The following SYNJ1 variants were observed in gnomAD, a reference collection of about 807,000 sequenced individuals.
The protein encoded by SYNJ1 is polyphosphatidylinositol phosphatase SYNJ1.
SYNJ1 carries 78 observed loss-of-function variants against 168.2 expected under a neutral mutation model. The observed-to-expected ratio is 0.46, with a 90% CI of 0.39 to 0.56. The LOEUF is 0.56. SYNJ1 is among the 20% of genes least tolerant of loss of function. The pLI is 0.00. For synonymous variants in SYNJ1, 539 were observed against 548.6 expected, an observed-to-expected ratio of 0.98 and a Z score of 0.24; for missense variants, 1,303 against 1,597.6, an observed-to-expected ratio of 0.82 and a Z score of 3.14.
chr21:32,667,251 C>T (rs2040975007), intron 15 of SYNJ1, among the ~76,000 whole-genome samples: 1 of 152,020 alleles, frequency 6.6e-6, no homozygotes, highest in African/African-American at 2.4e-5. Flanking sequence ...TATGTGCTTC[C>T]AAATACATTT....
intron 4 of SYNJ1, among the ~76,000 whole-genome samples, chr21:32,698,604 T>C (rs551765561): frequency 2.6e-5 from 4 of 152,328 alleles, no homozygotes; most frequent in South Asian, 2.1e-4. Context: ...AGAACCACTA[T>C]ACTAGAAATC....
intron 14 of SYNJ1, among the ~76,000 whole-genome samples, chr21:32,671,652 G>A (rs1413624079): frequency 6.6e-6 from 1 of 152,154 alleles, no homozygotes; most frequent in East Asian, 1.9e-4. Context: ...TGAAATAATA[G>A]GTCAGCTCTG....
chr21:32,699,418 G>T (rs149725152), intron 4 of SYNJ1, among the ~76,000 whole-genome samples: 1 of 152,244 alleles, frequency 6.6e-6, no homozygotes, highest in East Asian at 1.9e-4. Flanking sequence ...CCCCAGGAAG[G>T]TATAGCCATC....
intron 6 of SYNJ1, among the ~76,000 whole-genome samples, chr21:32,691,912 GA>G (rs925964704): frequency 6.6e-6 from 1 of 152,194 alleles, no homozygotes; most frequent in African/African-American, 2.4e-5. Flanking sequence ...ATTCCTGCTA[GA>G]AAACTGCAAG....
At chr21:32,710,298 T>C (rs542051579) in intron 2 of SYNJ1, among the ~76,000 whole-genome samples, 1 of 152,290 alleles carries the variant, frequency 6.6e-6, no homozygotes, top group Non-Finnish European at 1.5e-5. Context: ...GTTGATATTA[T>C]GGAGGCTAGG....
intron 4 of SYNJ1, among the ~76,000 whole-genome samples, chr21:32,697,292 T>C (rs1311145922): frequency 1.3e-5 from 2 of 152,156 alleles, no homozygotes; most frequent in South Asian, 2.1e-4. Context: ...TGCTACTAAG[T>C]GCAAGGGTAT....
intron 27 of SYNJ1, 64 bp downstream of exon 27, chr21:32,643,346 G>A (rs2039927493): frequency 6.4e-7 from 1 of 1,551,216 alleles, no homozygotes; most frequent in Non-Finnish European, 8.9e-7. Context: ...GGGTGGGGAG[G>A]TGGGGCGCTG....
chr21:32,690,888 C>A (rs2041999822), intron 6 of SYNJ1, among the ~76,000 whole-genome samples: 1 of 152,136 alleles, frequency 6.6e-6, no homozygotes, highest in Non-Finnish European at 1.5e-5. Flanking sequence ...TGCCATTGCA[C>A]TCCAATGGGC....
chr21:32,644,654 TA>T (rs2039987112), intron 26 of SYNJ1, among the ~76,000 whole-genome samples: 1 of 152,152 alleles, frequency 6.6e-6, no homozygotes, highest in South Asian at 2.1e-4. Context: ...CACTAGAAAA[TA>T]AATGTATCAC....
intron 2 of SYNJ1, among the ~76,000 whole-genome samples, chr21:32,703,603 A>G (rs1357648903): frequency 6.6e-6 from 1 of 152,258 alleles, no homozygotes; most frequent in African/African-American, 2.4e-5. Context: ...TGCCATATAC[A>G]TTTAAAATAC....
chr21:32,654,520 T>C (rs554967407), intron 21 of SYNJ1, among the ~76,000 whole-genome samples: 1 of 152,316 alleles, frequency 6.6e-6, no homozygotes, highest in African/African-American at 2.4e-5. Flanking sequence ...ACTGTAAGCA[T>C]ACATTTATGC....
At chr21:32,679,940 A>C (rs1018479372) in intron 11 of SYNJ1, among the ~76,000 whole-genome samples, 2 of 151,986 alleles carry the variant, frequency 1.3e-5, no homozygotes, top group Admixed American at 1.3e-4. Context: ...TTATATCTAT[A>C]TATTATGTTA....
At chr21:32,708,781 T>A (rs796115846) in intron 2 of SYNJ1, among the ~76,000 whole-genome samples, 1 of 151,836 alleles carries the variant, frequency 6.6e-6, no homozygotes, top group Non-Finnish European at 1.5e-5. Context: ...TTTCATTTGA[T>A]ACCAGCTCTT....
intron 23 of SYNJ1, among the ~76,000 whole-genome samples, chr21:32,648,017 A>G (rs1392919660): frequency 6.6e-6 from 1 of 152,142 alleles, no homozygotes; most frequent in East Asian, 1.9e-4. Flanking sequence ...TTAAGATGGG[A>G]ACCCCTACTT....
chr21:32,677,407 C>CT (rs977158185), intron 12 of SYNJ1, among the ~76,000 whole-genome samples: 4 of 151,978 alleles, frequency 2.6e-5, no homozygotes, highest in African/African-American at 9.7e-5. Context: ...ACTGACTGTA[C>CT]TTTTTTTTAA....
intron 26 of SYNJ1, among the ~76,000 whole-genome samples, chr21:32,644,386 T>C (rs1761136596): frequency 6.6e-6 from 1 of 152,250 alleles, no homozygotes; most frequent in African/African-American, 2.4e-5. Context: ...CAGACCAGGC[T>C]ACACATGCAC....
chr21:32,712,549 G>GAA (rs147530419), intron 2 of SYNJ1, among the ~76,000 whole-genome samples: 1 of 144,378 alleles, frequency 6.9e-6, no homozygotes. Flanking sequence ...GACATTTAAG[G>GAA]AAAAAAAAAA....
chr21:32,643,449 C>T lies in SYNJ1; in HGVS notation c.3439G>A (p.Ala1147Thr). 6.2e-7 allele frequency: 1 copy of T among 1,613,586 alleles called. No individual in the cohort carries two copies. The highest frequency in any genetic ancestry group is 8.5e-7 in the Non-Finnish European group (1 of 1,179,700). The change falls in exon 27 of 33, where the codon GCC becomes ACC. Residue 1147 changes from alanine (A) to threonine (T), a missense_variant. By Grantham distance (58) the Ala-to-Thr change is moderately conservative (BLOSUM62 0). This residue lies in a region of SYNJ1 where 383 missense variants were observed against 388.8 expected (regional missense o/e 0.99). Coordinates refer to ENST00000674351, the MANE Select transcript of SYNJ1 (RefSeq NM_203446.3). ...CTAGCTACCCCAGGACTGGGAGGGG[C>T]TCCAATACCTTTTTAGAGAAAGAAC... is the stretch of plus-strand genomic sequence containing the variant. ...PTRKEFGGIG[A>T]PPSPGVARRE...
At chr21:32,662,820 C>T (rs912899901) in intron 18 of SYNJ1, among the ~76,000 whole-genome samples, 1 of 152,108 alleles carries the variant, frequency 6.6e-6, no homozygotes, top group Non-Finnish European at 1.5e-5. Context: ...GAAAAAGTGG[C>T]CCTTCCTGTA....
Sources: allele counts gnomAD v4.1 joint callset (sites outside exome capture counted in the v4.1 genomes callset), GRCh38; gene constraint gnomAD v4.1.1; regional missense constraint gnomAD v4.1.1; transcripts MANE v1.5; gene names NCBI Gene and HGNC (gene_info 2026-07-23, HGNC 2026-07-21).